Variants in ARHGAP24 observed in about 807,000 individuals in gnomAD.
The protein encoded by ARHGAP24 is rho GTPase-activating protein 24.
ARHGAP24 carries 50 observed loss-of-function variants against 76.4 expected under a neutral mutation model. The ratio of observed to expected loss-of-function variants is 0.65; its 90% CI spans 0.52 to 0.83. The LOEUF (loss-of-function observed/expected upper bound fraction) is 0.83. ARHGAP24 is among the 40% of genes least tolerant of loss of function. The pLI is 0.00. For missense variants in ARHGAP24, 930 were observed against 914.2 expected (o/e 1.02, Z -0.22); for synonymous variants, 345 against 323.3 (o/e 1.07, Z -0.72).
At chr4:85,910,504 TC>T (rs1448855453) in intron 3 of ARHGAP24, among the ~76,000 whole-genome samples, 1 of 152,062 alleles carries the variant, frequency 6.6e-6, no homozygotes, top group African/African-American at 2.4e-5. Context: ...AGTCAGGGTG[TC>T]CCAACGAGTG....
intron 3 of ARHGAP24, among the ~76,000 whole-genome samples, chr4:85,795,033 T>A (rs1560636826): frequency 6.6e-6 from 1 of 152,192 alleles, no homozygotes; most frequent in Non-Finnish European, 1.5e-5. Context: ...TCAGCAAAGA[T>A]CCTTTTCGGA....
chr4:85,732,573 G>T (rs962481267), intron 3 of ARHGAP24, among the ~76,000 whole-genome samples: 1 of 152,082 alleles, frequency 6.6e-6, no homozygotes, highest in Admixed American at 6.6e-5. Context: ...GGACTGTCAG[G>T]CTTCCTGGCT....
intron 3 of ARHGAP24, among the ~76,000 whole-genome samples, chr4:85,762,879 C>G (rs1419301249): frequency 6.6e-6 from 1 of 152,122 alleles, no homozygotes; most frequent in Admixed American, 6.6e-5. Context: ...TATTTTCTTT[C>G]TTTTAACAAA....
chr4:85,847,280 A>C (rs1277286478), intron 3 of ARHGAP24, among the ~76,000 whole-genome samples: 1 of 152,010 alleles, frequency 6.6e-6, no homozygotes, highest in Non-Finnish European at 1.5e-5. Flanking sequence ...ATATTTGTTG[A>C]TTTGCATTGT....
At chr4:85,535,161 CT>C (rs1486680753) in intron 1 of ARHGAP24, among the ~76,000 whole-genome samples, 2 of 152,038 alleles carry the variant, frequency 1.3e-5, no homozygotes, top group East Asian at 3.9e-4. Flanking sequence ...TTTTGTACCC[CT>C]ATTCATTTAT....
At chr4:85,799,138 G>C (rs1728479586) in intron 3 of ARHGAP24, among the ~76,000 whole-genome samples, 1 of 152,102 alleles carries the variant, frequency 6.6e-6, no homozygotes, top group Non-Finnish European at 1.5e-5. Flanking sequence ...CACTGAGAGA[G>C]GCTGCAAAGT....
At chr4:85,904,233 A>G (rs547629139) in intron 3 of ARHGAP24, among the ~76,000 whole-genome samples, 2 of 152,238 alleles carry the variant, frequency 1.3e-5, no homozygotes, top group East Asian at 3.9e-4. Context: ...GGCCTCAGGG[A>G]GCTTTTACTC....
intron 2 of ARHGAP24, among the ~76,000 whole-genome samples, chr4:85,599,668 A>G (rs1719966578): frequency 6.6e-6 from 1 of 151,886 alleles, no homozygotes; most frequent in Non-Finnish European, 1.5e-5. Context: ...TTGCTATTAA[A>G]TTATTTTTTT....
At chr4:85,974,760 C>A in intron 6 of ARHGAP24, 128 bp from the exon 7 acceptor site, 1 of 771,270 alleles carries the variant, frequency 1.3e-6, no homozygotes, top group Non-Finnish European at 2.1e-6. Flanking sequence ...GGTAAGTTTT[C>A]GGGACAAGAT....
At chr4:85,615,500 T>C (rs1163151090) in intron 2 of ARHGAP24, among the ~76,000 whole-genome samples, 2 of 152,152 alleles carry the variant, frequency 1.3e-5, no homozygotes, top group African/African-American at 2.4e-5. Context: ...TTTCTAAGGG[T>C]TGCTTCTCAA....
intron 2 of ARHGAP24, among the ~76,000 whole-genome samples, chr4:85,612,083 T>TACACACACACAC (rs34030905): frequency 0.012 from 1,776 of 143,814 alleles, 21 homozygotes; most frequent in East Asian, 0.05. Flanking sequence ...TTCATTACAT[T>TACACACACACAC]ACACACACAC....
chr4:85,681,334 T>C (rs1411419756), intron 2 of ARHGAP24, among the ~76,000 whole-genome samples: 1 of 152,202 alleles, frequency 6.6e-6, no homozygotes, highest in Non-Finnish European at 1.5e-5. Context: ...TTGTTTCAGA[T>C]GCCAGTAATT....
intron 2 of ARHGAP24, among the ~76,000 whole-genome samples, chr4:85,595,240 C>A (rs553857931): frequency 1.5e-3 from 222 of 152,190 alleles, no homozygotes; most frequent in Middle Eastern, 6.8e-3. Context: ...TGGAAAGTTC[C>A]TTTCCATGCA....
At chr4:85,624,718 T>G (rs1331993447) in intron 2 of ARHGAP24, among the ~76,000 whole-genome samples, 1 of 152,134 alleles carries the variant, frequency 6.6e-6, no homozygotes, top group Non-Finnish European at 1.5e-5. Flanking sequence ...TTTTTTTGGT[T>G]GGTAAGCTAT....
chr4:85,988,398 A>T (rs930622885), intron 8 of ARHGAP24, among the ~76,000 whole-genome samples: 2 of 151,846 alleles, frequency 1.3e-5, no homozygotes, highest in African/African-American at 4.8e-5. Flanking sequence ...TATGACAACG[A>T]CAGAATAAAA....
chr4:85,568,885 A>G (rs1376457741), intron 1 of ARHGAP24, among the ~76,000 whole-genome samples: 2 of 152,360 alleles, frequency 1.3e-5, no homozygotes, highest in Non-Finnish European at 1.5e-5. Context: ...ATTGAAATAT[A>G]TGCCAGTGAA....
chr4:85,512,045 T>A (rs1363048525), intron 1 of ARHGAP24, among the ~76,000 whole-genome samples: 1 of 152,236 alleles, frequency 6.6e-6, no homozygotes, highest in African/African-American at 2.4e-5. Context: ...ATGGCATCCG[T>A]TTAACTATGT....
At chr4:85,854,135 C>CA (rs35799327) in intron 3 of ARHGAP24, among the ~76,000 whole-genome samples, 1,817 of 85,376 alleles carry the variant, frequency 0.021, 60 homozygotes, top group African/African-American at 0.06. Flanking sequence ...GACTCTGTCT[C>CA]AAAAAAAAAA....
intron 1 of ARHGAP24, among the ~76,000 whole-genome samples, chr4:85,495,944 C>G (rs1038247883): frequency 2.6e-5 from 4 of 152,110 alleles, no homozygotes; most frequent in Non-Finnish European, 4.4e-5. Flanking sequence ...TTGTTTGTGT[C>G]TCATTTTGAC....
Sources: gnomAD v4.1 joint callset for allele counts (sites outside exome capture counted in the v4.1 genomes callset) on GRCh38, gnomAD v4.1.1 for gene constraint, MANE v1.5 for transcripts, NCBI Gene and HGNC (gene_info 2026-07-23, HGNC 2026-07-21) for gene names.